Variants in DST observed in about 807,000 individuals in gnomAD.
The protein encoded by DST is dystonin.
In DST, 253 loss-of-function variants were observed where a neutral mutation model predicts 875.2. The observed-to-expected ratio is 0.29, with a 90% CI of 0.26 to 0.32. The LOEUF (loss-of-function observed/expected upper bound fraction) is 0.32. Ranked by LOEUF, DST falls within the 10% of genes least tolerant of loss-of-function variation. The pLI, the probability that DST is intolerant of heterozygous loss-of-function variation, is 1.00. For missense variants in DST, 8,287 were observed against 9,111.6 expected, an observed-to-expected ratio of 0.91 and a Z score of 3.68; for synonymous variants, 3,124 against 3,197.1, an observed-to-expected ratio of 0.98 and a Z score of 0.77.
At chr6:56,508,788 G>T in intron 74 of DST, 33 bp from the exon 75 acceptor site, 1 of 1,537,732 alleles carries the variant, frequency 6.5e-7, no homozygotes, top group South Asian at 1.2e-5. Context: ...CAAGGCGACT[G>T]GTTAGCCCCA....
intron 2 of DST, chr6:56,945,949 T>C (rs573536234): frequency 6.6e-6 from 1 of 152,242 alleles, no homozygotes; most frequent in South Asian, 2.1e-4. Context: ...TTGGGGGTGA[T>C]GAAAATGTTC....
In DST at chr6:56,634,454, A is replaced by C. The variant is rs2152765385; in HGVS notation, c.3494+8T>G. The C allele has an allele frequency of 6.2e-7, 1 of 1,614,140 alleles. No homozygotes were observed. Among genetic ancestry groups the C allele is most frequent in the Non-Finnish European group, 8.5e-7 (1 of 1,179,998 alleles). On this transcript the variant is annotated splice_region_variant and intron_variant, in intron 26 of 103. Coordinates refer to ENST00000680361, the MANE Select transcript of DST (RefSeq NM_001374736.1). ...CTAGCTCAACATTTTTAGCTAATAT[A>C]TACAAACCTGTTGGCAAGGTCCACC...
Position 56,949,119 on chromosome 6 carries a change from C to G in DST, c.216+4666G>C, listed in dbSNP as rs191465805. 2.6e-3 allele frequency among the ~76,000 whole-genome samples: 392 copies of G among 152,262 alleles called. 5 individuals are homozygous for G. The highest frequency in any genetic ancestry group is 0.023 in the Admixed American group (347 of 15,302). ...TAGTTCCATTTTGCCATCCAGATCTCAAAGAGAGTCATTCTTGAGCCTTAA... is the reference window on the plus strand; with the variant it reads ...TAGTTCCATTTTGCCATCCAGATCTGAAAGAGAGTCATTCTTGAGCCTTAA... On this transcript the variant is annotated intron_variant, in intron 2 of 103. Coordinates refer to ENST00000680361, the MANE Select transcript of DST (RefSeq NM_001374736.1).
At chr6:56,583,149 T>A (rs981129548) in intron 49 of DST, among the ~76,000 whole-genome samples, 1 of 152,240 alleles carries the variant, frequency 6.6e-6, no homozygotes. Context: ...TTTCTAGTTC[T>A]AGATCCCTGA....
intron 4 of DST, among the ~76,000 whole-genome samples, chr6:56,810,659 C>A (rs556274330): frequency 3.4e-4 from 52 of 151,858 alleles, no homozygotes; most frequent in African/African-American, 1.2e-3. Context: ...CACTAAACAC[C>A]CACCACCCCT....
chr6:56,881,901 CCAAA>C (rs939022663), intron 3 of DST, among the ~76,000 whole-genome samples: 1 of 152,080 alleles, frequency 6.6e-6, no homozygotes, highest in Admixed American at 6.6e-5. Flanking sequence ...AAAAAAAGCA[CCAAA>C]CAAAGGGAGA....
At chr6:56,781,176 T>C (rs538341868) in intron 4 of DST, among the ~76,000 whole-genome samples, 1 of 152,330 alleles carries the variant, frequency 6.6e-6, no homozygotes, top group Non-Finnish European at 1.5e-5. Context: ...CCAGCTTTGT[T>C]CTTTCGGCTT....
intron 71 of DST, 67 bp from the exon 72 acceptor site, chr6:56,515,735 T>C: frequency 7.9e-7 from 1 of 1,273,092 alleles, no homozygotes; most frequent in South Asian, 1.3e-5. Flanking sequence ...CAGAGTGCTC[T>C]GTCCAGCACA....
intron 69 of DST, among the ~76,000 whole-genome samples, chr6:56,521,479 TAA>T (rs34671326): frequency 0.017 from 2,451 of 144,396 alleles, 63 homozygotes; most frequent in African/African-American, 0.059. Flanking sequence ...CTTCCCTATT[TAA>T]AAAAAAAAAA....
At position 56,683,909 on chromosome 6, in the gene DST, T is replaced by A. The variant is rs192812538; in HGVS notation, c.1048-13102A>T. Among the ~76,000 whole-genome samples, 14 of 152,336 alleles carry A rather than the reference T, an allele frequency of 9.2e-5. No homozygotes were observed. The East Asian group carries it at 2.7e-3, about 29-fold the overall frequency. ...AGCTAAGCTTCATCTGAATCACTTA[T>A]CTAAAAAAATTTCATGAACTTTACA... On this transcript the variant is annotated intron_variant, in intron 9 of 103. Coordinates refer to ENST00000680361, the MANE Select transcript of DST (RefSeq NM_001374736.1).
intron 9 of DST, among the ~76,000 whole-genome samples, chr6:56,677,096 G>A (rs1204259510): frequency 6.6e-6 from 1 of 152,098 alleles, no homozygotes; most frequent in African/African-American, 2.4e-5. Context: ...TTCATAAGAT[G>A]TTGTACATGA....
At chr6:56,909,685 C>T (rs962809533) in intron 2 of DST, among the ~76,000 whole-genome samples, 1 of 152,224 alleles carries the variant, frequency 6.6e-6, no homozygotes, top group Non-Finnish European at 1.5e-5. Flanking sequence ...GCCACACCCT[C>T]GGAGTTTCTG....
intron 86 of DST, among the ~76,000 whole-genome samples, chr6:56,488,577 A>C (rs1041531909): frequency 1.3e-5 from 2 of 152,108 alleles, no homozygotes; most frequent in Non-Finnish European, 2.9e-5. Flanking sequence ...ATGACCTCCT[A>C]AGGTTAGACC....
chr6:56,919,102 A>C (rs1294805223), intron 2 of DST, among the ~76,000 whole-genome samples: 1 of 152,110 alleles, frequency 6.6e-6, no homozygotes, highest in African/African-American at 2.4e-5. Flanking sequence ...AGTTTTTTAT[A>C]TAATATGAAT....
At chr6:56,897,937 A>G (rs371495398) in intron 3 of DST, among the ~76,000 whole-genome samples, 9 of 152,274 alleles carry the variant, frequency 5.9e-5, no homozygotes, top group East Asian at 5.8e-4. Flanking sequence ...ACCAGGATCA[A>G]TTAAGACCAA....
intron 9 of DST, chr6:56,692,528 T>C (rs1398321601): frequency 7.8e-7 from 1 of 1,289,758 alleles, no homozygotes; most frequent in East Asian, 5.6e-5. Flanking sequence ...CTGCTATAAC[T>C]TTTTGGTGGG....
chr6:56,856,506 C>T (rs1767924477), intron 3 of DST, among the ~76,000 whole-genome samples: 1 of 152,058 alleles, frequency 6.6e-6, no homozygotes, highest in Non-Finnish European at 1.5e-5. Context: ...ATAGAAAGCA[C>T]ACAAGGAAAC....
At chr6:56,494,266 C>G in intron 82 of DST, 86 bp from the exon 83 acceptor site, 2 of 1,260,762 alleles carry the variant, frequency 1.6e-6, no homozygotes, top group Non-Finnish European at 1.1e-6. Context: ...TCCCAAGCTC[C>G]TCATCATATA....
chr6:56,522,120 C>A (rs2096719173), intron 69 of DST, among the ~76,000 whole-genome samples: 1 of 152,054 alleles, frequency 6.6e-6, no homozygotes, highest in Non-Finnish European at 1.5e-5. Context: ...TCTAAATATG[C>A]CTGAAAAACA....
Sources: allele counts gnomAD v4.1 joint callset (sites outside exome capture counted in the v4.1 genomes callset), GRCh38; gene constraint gnomAD v4.1.1; transcripts MANE v1.5; gene names NCBI Gene and HGNC (gene_info 2026-07-23, HGNC 2026-07-21).